GPIHBP1: variants seen among roughly 807,000 people sequenced by gnomAD.
GPIHBP1 encodes the protein glycosylphosphatidylinositol-anchored high density lipoprotein-binding protein 1.
Under a neutral mutation model 13.0 loss-of-function variants are expected in GPIHBP1, and 11 were observed. The observed-to-expected ratio is 0.84, with a 90% CI of 0.53 to 1.40. GPIHBP1 has a LOEUF of 1.40. GPIHBP1 is among the 40% of genes most tolerant of loss of function. The pLI is 0.00. For missense variants in GPIHBP1, 231 were observed against 241.1 expected (o/e 0.96, Z 0.28); for synonymous variants, 106 against 102.2 (o/e 1.04, Z -0.22).
intron 1 of GPIHBP1, 52 bp from the exon 2 acceptor site, chr8:143,213,770 G>A (rs979135684): frequency 8.3e-6 from 13 of 1,572,664 alleles, no homozygotes; most frequent in South Asian, 8.2e-5. Context: ...CCCAGAGCAG[G>A]TGTCCTCCAT....
At position 143,215,177 on chromosome 8, in the gene GPIHBP1, CA is replaced by C. The variant is rs141874363; in HGVS notation, c.295+52del. On this transcript the variant is annotated intron_variant, in intron 3 of 3. Transcript: ENST00000622500. Reference sequence around the variant, plus strand: ...ATGCACCCCCAGGCGGCGGGAAAGCCAGGGGCCCGGAACAGAGCCCTGCAGA... The same window carrying C: ...ATGCACCCCCAGGCGGCGGGAAAGCCGGGGCCCGGAACAGAGCCCTGCAGA... 34,337 of 1,611,072 alleles carry C rather than the reference CA, an allele frequency of 0.021. 814 individuals are homozygous for C. Among genetic ancestry groups the C allele is most frequent in the African/African-American group, 0.12 (8,922 of 74,944 alleles).
rs1234883329 is a variant in GPIHBP1 at position 143,213,941 on chromosome 8, A to T, written c.172A>T (p.Arg58Trp). Residue 58 changes from arginine to tryptophan, a missense_variant, in exon 2 of 4, where the codon AGG (arginine) becomes TGG (tryptophan). Coordinates refer to ENST00000622500, the MANE Select transcript of GPIHBP1 (RefSeq NM_178172.6). ...GGAGACCAACAGGCTCCCTGGTGGC[A>T]GGAGCAGAGGTATGGCCGCCCCAAC... is the stretch of plus-strand genomic sequence containing the variant. ...EEETNRLPGGRSRVLLRCYTC... is the reference protein window; with the variant it reads ...EEETNRLPGGWSRVLLRCYTC... 1.3e-6 allele frequency: 2 copies of T among 1,551,018 alleles called. No individual in the cohort carries two copies.
In GPIHBP1 at chr8:143,213,337, AC is replaced by A. The variant is rs759849992; in HGVS notation, c.52+21del. 4.4e-6 allele frequency: 7 copies of A among 1,585,952 alleles called. No individual in the cohort carries two copies. In the Admixed American group the frequency reaches 8.8e-5, roughly 20 times the overall value. Reference sequence around the variant, plus strand: ...GCGGCCAGGTGCGGGGCAAAGGGTAACCCTGCGGTGAGGGGGCAGCAACAGC... The same window carrying A: ...GCGGCCAGGTGCGGGGCAAAGGGTAACCTGCGGTGAGGGGGCAGCAACAGC... On this transcript the variant is annotated intron_variant, in intron 1 of 3. Coordinates refer to ENST00000622500, the MANE Select transcript of GPIHBP1 (RefSeq NM_178172.6).
Position 143,215,055 on chromosome 8 carries a change from A to G in GPIHBP1, c.224A>G (p.Glu75Gly). 1 of 1,605,988 alleles carries G rather than the reference A, an allele frequency of 6.2e-7. No individual in the cohort carries two copies. Among genetic ancestry groups the G allele is most frequent in the Non-Finnish European group, 8.5e-7 (1 of 1,177,036 alleles). ...ACCTGCAAGTCCCTGCCCAGGGACGAGCGCTGCAACCTGACGCAGAACTGC... is the reference window on the plus strand; with the variant it reads ...ACCTGCAAGTCCCTGCCCAGGGACGGGCGCTGCAACCTGACGCAGAACTGC... Reference protein sequence around the residue: ...CYTCKSLPRDERCNLTQNCSH... With the variant: ...CYTCKSLPRDGRCNLTQNCSH... Residue 75 changes from glutamate to glycine, a missense_variant, in exon 3 of 4, where the codon GAG (glutamate) becomes GGG (glycine). By Grantham distance (98) the Glu-to-Gly change is moderately conservative (BLOSUM62 -2). Coordinates refer to ENST00000622500, the MANE Select transcript of GPIHBP1 (RefSeq NM_178172.6).
At position 143,213,869 on chromosome 8, in the gene GPIHBP1, G is replaced by A. The variant is rs367902033; in HGVS notation, c.100G>A (p.Gly34Arg). 1.2e-5 allele frequency: 19 copies of A among 1,554,884 alleles called. No homozygotes were observed. The highest frequency in any genetic ancestry group is 9.7e-5 in the Admixed American group (5 of 51,362). ...GGAAGAGGAAGAGGACGAGGACCAC[G>A]GGCCAGATGACTACGACGAGGAAGA... ...QEEEEEDEDH[G>R]PDDYDEEDED... The change falls in exon 2 of 4, where the codon GGG becomes AGG. Residue 34 changes from glycine (G) to arginine (R), a missense_variant. By Grantham distance (125) the Gly-to-Arg change is moderately radical. Coordinates refer to ENST00000622500, the MANE Select transcript of GPIHBP1 (RefSeq NM_178172.6).
chr8:143,215,219 C>A (rs200649178), intron 3 of GPIHBP1, 40 bp from the exon 4 acceptor site: 6 of 1,612,890 alleles, frequency 3.7e-6, no homozygotes, highest in African/African-American at 1.3e-5. Context: ...CTCAGAGACC[C>A]CGCCCATCCT....
In GPIHBP1 at chr8:143,217,061, C is replaced by T. The variant is rs1041633883; in HGVS notation, c.*1543C>T. 3.3e-5 allele frequency: 5 copies of T among 152,190 alleles called. No individual in the cohort carries two copies. The highest frequency in any genetic ancestry group is 2.1e-4 in the South Asian group (1 of 4,830). The allele number at this position is 152,190 out of a possible 1,614,324, so 9.4% of individuals were successfully genotyped here. A position where few individuals can be genotyped will look rare whatever the true frequency, so the allele number is the denominator to read the frequency against. On this transcript the variant is annotated 3_prime_UTR_variant, in exon 4 of 4. Transcript: ENST00000622500. ...TTGCACCATGAGGCAGCACTGAGCACGGTAGGGCAGCCTGGTGAGAGGGGC... is the reference window on the plus strand; with the variant it reads ...TTGCACCATGAGGCAGCACTGAGCATGGTAGGGCAGCCTGGTGAGAGGGGC...
At position 143,215,692 on chromosome 8, in the gene GPIHBP1, C is replaced by T; in HGVS notation, c.*174C>T. 1 of 618,234 alleles carries T rather than the reference C, an allele frequency of 1.6e-6. No homozygotes were observed. Among genetic ancestry groups the T allele is most frequent in the Non-Finnish European group, 2.8e-6 (1 of 353,598 alleles). The allele number at this position is 618,234 out of a possible 1,614,324, so 38.3% of individuals were successfully genotyped here. A position where few individuals can be genotyped will look rare whatever the true frequency, so the allele number is the denominator to read the frequency against. ...TTGCTTCCTCAGTTCCCGGCTGTGT[C>T]CTTGGTGTCCTTTCTCCACCACCTG... On this transcript the variant is annotated 3_prime_UTR_variant, in exon 4 of 4. Coordinates refer to ENST00000622500, the MANE Select transcript of GPIHBP1 (RefSeq NM_178172.6).
chr8:143,213,264 C>A lies in GPIHBP1; in HGVS notation c.-4C>A. 1 of 1,593,630 alleles carries A rather than the reference C, an allele frequency of 6.3e-7. No individual in the cohort carries two copies. Among genetic ancestry groups the A allele is most frequent in the Non-Finnish European group, 8.5e-7 (1 of 1,174,174 alleles). On this transcript the variant is annotated 5_prime_UTR_variant, in exon 1 of 4. Coordinates refer to ENST00000622500, the MANE Select transcript of GPIHBP1 (RefSeq NM_178172.6). ...GAGTCAGGGACACAGCAGCGTCCGG[C>A]GAGATGAAGGCGCTCGGGGCTGTCC...
rs1328311500 is a variant in GPIHBP1, at chr8:143,214,204, A to G, written c.181+254A>G. ...TGTAGAGGTTAAATAGGAGTTCACC[A>G]GGCAGAGAAGGGCTCAGTGGGGGCC... is the stretch of plus-strand genomic sequence containing the variant. On this transcript the variant is annotated intron_variant, in intron 2 of 3. Coordinates refer to ENST00000622500, the MANE Select transcript of GPIHBP1 (RefSeq NM_178172.6). The surrounding 1 kb of genome is among the most constrained non-coding windows in gnomAD (Gnocchi z 4.1). Among the ~76,000 whole-genome samples, 1 of 152,092 alleles carries G rather than the reference A, an allele frequency of 6.6e-6. No individual in the cohort carries two copies. The highest frequency in any genetic ancestry group is 1.5e-5 in the Non-Finnish European group (1 of 67,990).
chr8:143,214,928 C>T lies in GPIHBP1; in HGVS notation c.182-85C>T. Reference sequence around the variant, plus strand: ...GGCTCACCAGGCTAGGCTTTGGGAGCACAGCTGAGAACGGGGAGGTGGACA... The same window carrying T: ...GGCTCACCAGGCTAGGCTTTGGGAGTACAGCTGAGAACGGGGAGGTGGACA... On this transcript the variant is annotated intron_variant, in intron 2 of 3. Transcript: ENST00000622500. The surrounding 1 kb of genome is among the most constrained non-coding windows in gnomAD (Gnocchi z 4.1). 1.1e-6 allele frequency: 1 copy of T among 937,936 alleles called. No individual in the cohort carries two copies. The highest frequency in any genetic ancestry group is 1.7e-6 in the Non-Finnish European group (1 of 601,690). 58.1% of individuals were successfully genotyped at this position (937,936 alleles called of 1,614,324 possible).
In GPIHBP1 at chr8:143,214,077, C is replaced by A; in HGVS notation, c.181+127C>A. The A allele has an allele frequency of 8.3e-7, 1 of 1,209,542 alleles. No homozygotes were observed. 74.9% of individuals were successfully genotyped at this position (1,209,542 alleles called of 1,614,324 possible). A position where few individuals can be genotyped will look rare whatever the true frequency, so the allele number is the denominator to read the frequency against. On this transcript the variant is annotated intron_variant, in intron 2 of 3. Coordinates refer to ENST00000622500, the MANE Select transcript of GPIHBP1 (RefSeq NM_178172.6). The surrounding 1 kb of genome is among the most constrained non-coding windows in gnomAD (Gnocchi z 4.1). Reference sequence around the variant, plus strand: ...CTTGCCTCCAGCAGAGTGGGGGACACTCAGTACACCCCTCACTGCTGCTCA... The same window carrying A: ...CTTGCCTCCAGCAGAGTGGGGGACAATCAGTACACCCCTCACTGCTGCTCA...
At chr8:143,213,771 T>G in intron 1 of GPIHBP1, 51 bp from the exon 2 acceptor site, 2 of 1,572,052 alleles carry the variant, frequency 1.3e-6, no homozygotes, top group African/African-American at 1.4e-5. Context: ...CCAGAGCAGG[T>G]GTCCTCCATA....
rs1211597010 is a variant in GPIHBP1, at chr8:143,213,816, G to C, written c.53-6G>C. 1 of 1,572,298 alleles carries C rather than the reference G, an allele frequency of 6.4e-7. No homozygotes were observed. Among genetic ancestry groups the C allele is most frequent in the South Asian group, 1.2e-5 (1 of 85,474 alleles). ...CTGAGGCTTACAAGCATCCCTGCACGGCCAGGGAGAGGGCAGACACAGCAG... is the reference window on the plus strand; with the variant it reads ...CTGAGGCTTACAAGCATCCCTGCACCGCCAGGGAGAGGGCAGACACAGCAG... On this transcript the variant is annotated splice_polypyrimidine_tract_variant and splice_region_variant and intron_variant, in intron 1 of 3. Transcript: ENST00000622500.
At position 143,215,217 on chromosome 8, in the gene GPIHBP1, C is replaced by A. The variant is rs948589033; in HGVS notation, c.296-42C>A. 7.4e-6 allele frequency: 12 copies of A among 1,612,612 alleles called. No individual in the cohort carries two copies. The Admixed American group carries it at 1.3e-4, about 18-fold the overall frequency. ...GAGCCCTGCAGAGCCACCTCAGAGA[C>A]CCCGCCCATCCTCAGCACTTGTTCC... On this transcript the variant is annotated intron_variant, in intron 3 of 3. Coordinates refer to ENST00000622500, the MANE Select transcript of GPIHBP1 (RefSeq NM_178172.6).
chr8:143,215,177 C>G, intron 3 of GPIHBP1, 51 bp downstream of exon 3: 1 of 1,611,094 alleles, frequency 6.2e-7, no homozygotes, highest in African/African-American at 1.3e-5. Flanking sequence ...GCGGGAAAGC[C>G]AGGGGCCCGG....
At chr8:143,215,194 G>GCCCT in intron 3 of GPIHBP1, 65 bp from the exon 4 acceptor site, 1 of 1,611,766 alleles carries the variant, frequency 6.2e-7, no homozygotes, top group South Asian at 1.1e-5. Flanking sequence ...CCGGAACAGA[G>GCCCT]CCCTGCAGAG....
In GPIHBP1 at chr8:143,215,462, G is replaced by T. The variant is rs1184455502; in HGVS notation, c.499G>T (p.Ala167Ser). ...GGGCAGCTCCGAAACTGTGGGCGCAGCCCTCCTGCTCAACCTCCTTGCCGG... is the reference window on the plus strand; with the variant it reads ...GGGCAGCTCCGAAACTGTGGGCGCATCCCTCCTGCTCAACCTCCTTGCCGG... ...PRGSSETVGA[A>S]LLLNLLAGLG... The change falls in exon 4 of 4, where the codon GCC (alanine) becomes TCC (serine). Residue 167 changes from alanine to serine, a missense_variant. Ala to Ser is a moderately conservative substitution (Grantham distance 99, BLOSUM62 1). Transcript: ENST00000622500. 2 of 1,612,134 alleles carry T rather than the reference G, an allele frequency of 1.2e-6. No individual in the cohort carries two copies. The highest frequency in any genetic ancestry group is 3.3e-5 in the Admixed American group (2 of 59,984).
Position 143,215,250 on chromosome 8 carries a change from C to G in GPIHBP1, c.296-9C>G. On this transcript the variant is annotated splice_polypyrimidine_tract_variant and intron_variant, in intron 3 of 3. Coordinates refer to ENST00000622500, the MANE Select transcript of GPIHBP1 (RefSeq NM_178172.6). ...ATCCTCAGCACTTGTTCCCCACTCC[C>G]CTTCCCAGAGTCAGGCCTCCTGACC... is the stretch of plus-strand genomic sequence containing the variant. 1 of 1,613,066 alleles carries G rather than the reference C, an allele frequency of 6.2e-7. No homozygotes were observed. The highest frequency in any genetic ancestry group is 1.1e-5 in the South Asian group (1 of 91,088).
Sources: gnomAD v4.1 joint callset for allele counts (sites outside exome capture counted in the v4.1 genomes callset) on GRCh38, gnomAD v4.1.1 for gene constraint, Gnocchi (gnomAD v3.1) non-coding constraint, MANE v1.5 for transcripts, NCBI Gene and HGNC (gene_info 2026-07-23, HGNC 2026-07-21) for gene names.